Variants in FASTKD1 observed in about 807,000 individuals in gnomAD.
FASTKD1 encodes FAST kinase domain-containing protein 1, mitochondrial.
Under a neutral mutation model 90.9 loss-of-function variants are expected in FASTKD1, and 94 were observed. That is an observed-to-expected ratio of 1.03 (90% confidence interval 0.88 to 1.23). The LOEUF (loss-of-function observed/expected upper bound fraction) is 1.23, where lower values mean the gene tolerates loss of function less well. FASTKD1 is among the 50% of genes most tolerant of loss of function. The pLI, the probability that FASTKD1 is intolerant of heterozygous loss-of-function variation, is 0.00. For missense variants in FASTKD1, 945 were observed against 993.5 expected (o/e 0.95, Z 0.66); for synonymous variants, 319 against 345.8 (o/e 0.92, Z 0.86).
intron 13 of FASTKD1, chr2:169,531,135 C>A: frequency 1.3e-6 from 1 of 754,048 alleles, no homozygotes; most frequent in Non-Finnish European, 2.4e-6. Flanking sequence ...GAGGACAATT[C>A]TTTTAGCACT....
At chr2:169,531,647 G>C (rs1684499232) in intron 12 of FASTKD1, 157 bp from the exon 13 acceptor site, 1 of 593,232 alleles carries the variant, frequency 1.7e-6, no homozygotes, top group African/African-American at 1.9e-5. Context: ...ATTTTTATAA[G>C]ATCTGGTCCA....
intron 9 of FASTKD1, among the ~76,000 whole-genome samples, chr2:169,542,206 G>C (rs1268710023): frequency 1.3e-5 from 2 of 152,086 alleles, no homozygotes; most frequent in East Asian, 3.9e-4. Flanking sequence ...AAGTAAACTC[G>C]ATCATGGTAG....
At chr2:169,553,757 A>G (rs373520408) in intron 7 of FASTKD1, among the ~76,000 whole-genome samples, 54 of 151,882 alleles carry the variant, frequency 3.6e-4, no homozygotes, top group Non-Finnish European at 6.8e-4. Context: ...CTCTACTAAA[A>G]AAAAAATACA....
rs1211296017 is a variant in FASTKD1, at chr2:169,557,898, G to A, written c.972-601C>T. Reference sequence around the variant, plus strand: ...ATCATTTAGAAAGCAAGCTCGAAACGTGACATCTGATAGGATAAACTAATT... The same window carrying A: ...ATCATTTAGAAAGCAAGCTCGAAACATGACATCTGATAGGATAAACTAATT... On this transcript the variant is annotated intron_variant, in intron 5 of 14. Coordinates refer to ENST00000453153, the MANE Select transcript of FASTKD1 (RefSeq NM_024622.6). Among the ~76,000 whole-genome samples the A allele has an allele frequency of 9.9e-5, 15 of 152,270 alleles. No homozygotes were observed. The South Asian group carries it at 1.9e-3, about 19-fold the overall frequency.
At chr2:169,569,627 G>A (rs904063415) in intron 2 of FASTKD1, among the ~76,000 whole-genome samples, 1 of 152,186 alleles carries the variant, frequency 6.6e-6, no homozygotes, top group South Asian at 2.1e-4. Context: ...GAGGCGGGCG[G>A]ATCACTTAAG....
Position 169,538,070 on chromosome 2 carries a change from A to AT in FASTKD1, c.2016dup (p.Cys673MetfsTer3). 1 of 1,612,858 alleles carries AT rather than the reference A, an allele frequency of 6.2e-7. No individual in the cohort carries two copies. The highest frequency in any genetic ancestry group is 8.5e-7 in the Non-Finnish European group (1 of 1,179,512). On this transcript the variant is annotated frameshift_variant, in exon 11 of 15. Coordinates refer to ENST00000453153, the MANE Select transcript of FASTKD1 (RefSeq NM_024622.6). LOFTEE classifies it high-confidence loss of function. ...AACCATGGAATCTGAAACTCAGGGCATTCCAAGCAGACTGATCTATTTAAC... is the reference window on the plus strand; with the variant it reads ...AACCATGGAATCTGAAACTCAGGGCATTTCCAAGCAGACTGATCTATTTAAC...
At chr2:169,543,792 C>T (rs1685065867) in intron 9 of FASTKD1, among the ~76,000 whole-genome samples, 1 of 150,796 alleles carries the variant, frequency 6.6e-6, no homozygotes, top group Non-Finnish European at 1.5e-5. Context: ...TATTTGAAAA[C>T]CTGGATAACA....
intron 3 of FASTKD1, among the ~76,000 whole-genome samples, chr2:169,566,278 G>T (rs971190298): frequency 6.6e-6 from 1 of 152,082 alleles, no homozygotes; most frequent in Non-Finnish European, 1.5e-5. Context: ...AAGATGAAAT[G>T]ATATTATTTA....
chr2:169,564,727 C>G (rs574708883), intron 3 of FASTKD1, among the ~76,000 whole-genome samples: 76 of 152,126 alleles, frequency 5.0e-4, no homozygotes, highest in African/African-American at 1.7e-3. Flanking sequence ...GCCCGTTACC[C>G]TTCCCAGCCT....
chr2:169,571,753 T>C lies in FASTKD1; in HGVS notation c.277A>G (p.Arg93Gly), dbSNP rs552114524. ...AGAGTAAGAAATTGAGGATGGTCTC[T>C]GACATACTCAGCATTTTTTAACAGG... The part of the protein sequence containing the change: ...TSLLKNAEYV[R>G]DHPQFLTLHN... The change falls in exon 2 of 15, where the codon AGA becomes GGA. Residue 93 changes from arginine (R) to glycine (G), a missense_variant. Transcript: ENST00000453153. 3.7e-6 allele frequency: 6 copies of C among 1,613,766 alleles called. No homozygotes were observed. Among genetic ancestry groups the C allele is most frequent in the African/African-American group, 2.7e-5 (2 of 75,050 alleles).
intron 7 of FASTKD1, among the ~76,000 whole-genome samples, chr2:169,550,910 T>G (rs1166878265): frequency 6.6e-6 from 1 of 152,248 alleles, no homozygotes; most frequent in Non-Finnish European, 1.5e-5. Context: ...AGCTGCATCA[T>G]TGTGGAGCTA....
chr2:169,560,059 C>T (rs1469021909), intron 5 of FASTKD1, among the ~76,000 whole-genome samples: 1 of 151,758 alleles, frequency 6.6e-6, no homozygotes, highest in Non-Finnish European at 1.5e-5. Flanking sequence ...ATTCCACAGA[C>T]TTACACTGGG....
At chr2:169,557,338 A>C in intron 5 of FASTKD1, 41 bp from the exon 6 acceptor site, 1 of 1,162,696 alleles carries the variant, frequency 8.6e-7, no homozygotes, top group Non-Finnish European at 1.2e-6. Flanking sequence ...GAAAGACTGA[A>C]AATTAGCTTG....
chr2:169,560,482 C>T lies in FASTKD1; in HGVS notation c.876G>A (p.Lys292=). The change falls in exon 5 of 15, where the codon AAG becomes AAA. Residue 292 remains lysine (K), a synonymous_variant. Transcript: ENST00000453153. ...SFEFIIMAKK[K]LTEMIPLCNH... is the part of the protein sequence containing the mutation. ...TACACAGAGGAATCATTTCAGTTAGCTTCTTTTTAGCCATTATAATAAATT... is the reference window on the plus strand; with the variant it reads ...TACACAGAGGAATCATTTCAGTTAGTTTCTTTTTAGCCATTATAATAAATT... 1 of 1,602,510 alleles carries T rather than the reference C, an allele frequency of 6.2e-7. No individual in the cohort carries two copies. The highest frequency in any genetic ancestry group is 1.3e-5 in the African/African-American group (1 of 74,400).
intron 1 of FASTKD1, chr2:169,573,174 T>C (rs914921308): frequency 6.6e-5 from 10 of 152,212 alleles, no homozygotes; most frequent in African/African-American, 2.2e-4. Context: ...GACCCCTCTC[T>C]ACGGCTATGC....
chr2:169,561,979 A>T (rs1390188266), intron 4 of FASTKD1, among the ~76,000 whole-genome samples: 1 of 121,000 alleles, frequency 8.3e-6, no homozygotes, highest in African/African-American at 3.3e-5. Flanking sequence ...TTAATTATTC[A>T]TTAATTTATT....
intron 5 of FASTKD1, among the ~76,000 whole-genome samples, chr2:169,558,733 G>T (rs541819445): frequency 2.0e-5 from 3 of 151,014 alleles, no homozygotes; most frequent in African/African-American, 7.3e-5. Flanking sequence ...TAACAGGCAT[G>T]AGCCACCACA....
rs1331082075 is a variant in FASTKD1, at chr2:169,548,736, A to G, written c.1215-2032T>C. 3.5e-5 allele frequency among the ~76,000 whole-genome samples: 5 copies of G among 140,972 alleles called. No homozygotes were observed. The East Asian group carries it at 9.9e-4, about 28-fold the overall frequency. 92.5% of individuals were successfully genotyped at this position (140,972 alleles called of 152,430 possible). On this transcript the variant is annotated intron_variant, in intron 7 of 14. Transcript: ENST00000453153. The stretch of plus-strand genomic sequence containing the variant: ...GACAGAGCAAGACTCCGCCTCAAAA[A>G]AAAAAAAAAAAAAAAAAAAACTTTA...
rs149911638 is a variant in FASTKD1 at position 169,538,254 on chromosome 2, A to G, written c.1946-113T>C. 1.4e-5 allele frequency: 12 copies of G among 829,506 alleles called. No homozygotes were observed. In the African/African-American group the frequency reaches 1.9e-4, roughly 13 times the overall value. 51.4% of individuals were successfully genotyped at this position (829,506 alleles called of 1,614,324 possible). On this transcript the variant is annotated intron_variant, in intron 10 of 14. Coordinates refer to ENST00000453153, the MANE Select transcript of FASTKD1 (RefSeq NM_024622.6). ...TAGTAGATGCTTTTATTCTAACAGT[A>G]TTTAGAACTGTTTACATTTCTAATT...
Sources: gnomAD v4.1 joint callset for allele counts (sites outside exome capture counted in the v4.1 genomes callset) on GRCh38, gnomAD v4.1.1 for gene constraint, MANE v1.5 for transcripts, NCBI Gene and HGNC (gene_info 2026-07-23, HGNC 2026-07-21) for gene names.